Variants in ZRANB2 observed in about 807,000 individuals in gnomAD.
ZRANB2 encodes the protein zinc finger RANBP2-type containing 2.
Under a neutral mutation model 53.4 loss-of-function variants are expected in ZRANB2, and 19 were observed. The observed-to-expected ratio is 0.36, with a 90% CI of 0.25 to 0.52. ZRANB2 has a LOEUF of 0.52. Ranked by LOEUF, ZRANB2 falls within the 20% of genes least tolerant of loss-of-function variation. The pLI is 0.93. For synonymous variants in ZRANB2, 145 were observed against 134.8 expected (o/e 1.08, Z -0.52); for missense variants, 309 against 401.1 (o/e 0.77, Z 1.96).
intron 4 of ZRANB2, among the ~76,000 whole-genome samples, chr1:71,076,428 T>C (rs769690816): frequency 2.6e-5 from 4 of 152,202 alleles, no homozygotes; most frequent in Non-Finnish European, 4.4e-5. Context: ...GAAGAACACT[T>C]TAAATGGTGT....
intron 8 of ZRANB2, chr1:71,067,701 T>C (rs905233879): frequency 7.0e-6 from 3 of 428,104 alleles, no homozygotes; most frequent in African/African-American, 6.5e-5. Context: ...GAGAATTCTT[T>C]GGAAAGTTAC....
intron 7 of ZRANB2, among the ~76,000 whole-genome samples, chr1:71,070,135 A>C (rs559311590): frequency 1.3e-5 from 2 of 152,238 alleles, no homozygotes; most frequent in South Asian, 2.1e-4. Flanking sequence ...ATATGATTAA[A>C]ATTCATTGCC....
chr1:71,068,124 C>T (rs1474157782), intron 8 of ZRANB2, among the ~76,000 whole-genome samples: 1 of 152,146 alleles, frequency 6.6e-6, no homozygotes, highest in Non-Finnish European at 1.5e-5. Context: ...CTTGGCCTCC[C>T]AAGGTATTGG....
At chr1:71,076,976 C>T (rs2101051033) in intron 3 of ZRANB2, 99 bp from the exon 4 acceptor site, 1 of 876,406 alleles carries the variant, frequency 1.1e-6, no homozygotes, top group Non-Finnish European at 1.8e-6. Context: ...AGGATGAAAC[C>T]ACTGTCAAAG....
At chr1:71,069,167 A>C in intron 8 of ZRANB2, 109 bp downstream of exon 8, 1 of 841,800 alleles carries the variant, frequency 1.2e-6, no homozygotes, top group Non-Finnish European at 1.8e-6. Flanking sequence ...CTAATGCTAA[A>C]ATAAAATCGA....
intron 9 of ZRANB2, chr1:71,066,301 C>T (rs1274369415): frequency 6.5e-6 from 1 of 154,066 alleles, no homozygotes; most frequent in Non-Finnish European, 1.4e-5. Context: ...GAATAATTTC[C>T]TTATAGACAA....
At chr1:71,075,126 A>T (rs948420512) in intron 4 of ZRANB2, among the ~76,000 whole-genome samples, 22 of 152,220 alleles carry the variant, frequency 1.4e-4, no homozygotes, top group African/African-American at 5.1e-4. Context: ...AAGATTTTAG[A>T]CTTTATCCTA....
intron 1 of ZRANB2, among the ~76,000 whole-genome samples, chr1:71,080,061 G>C (rs983101746): frequency 1.3e-5 from 2 of 151,786 alleles, no homozygotes; most frequent in African/African-American, 4.8e-5. Context: ...CTAAACCCAG[G>C]TTTATTTCAA....
At chr1:71,065,913 A>G (rs17090778) in intron 9 of ZRANB2, 202,661 of 1,038,994 alleles carry the variant, frequency 0.2, 22,692 homozygotes, top group East Asian at 0.41. Context: ...ATGCAGAGAA[A>G]CAAGACTGTG....
rs1661470771 is a variant in ZRANB2 at position 71,067,379 on chromosome 1, T to G, written c.771-445A>C. 1.4e-5 allele frequency: 3 copies of G among 215,000 alleles called. No homozygotes were observed. The South Asian group carries it at 2.0e-4, about 14-fold the overall frequency. The allele number at this position is 215,000 out of a possible 1,614,324, so 13.3% of individuals were successfully genotyped here. ...TTCCATGTGGAATTATTCAACTCAT[T>G]AAACTGTTATGGAAAAACCAGGTAT... On this transcript the variant is annotated intron_variant, in intron 8 of 9. Transcript: ENST00000370920.
At chr1:71,071,569 G>C (rs1162826030) in intron 6 of ZRANB2, among the ~76,000 whole-genome samples, 1 of 152,106 alleles carries the variant, frequency 6.6e-6, no homozygotes, top group Admixed American at 6.6e-5. Context: ...GACAGAACAA[G>C]TATCACCAGA....
intron 4 of ZRANB2, among the ~76,000 whole-genome samples, chr1:71,075,856 G>A (rs955097826): frequency 2.7e-5 from 4 of 147,860 alleles, no homozygotes; most frequent in African/African-American, 5.0e-5. Context: ...GGGGATCAAG[G>A]ACATTATGTT....
chr1:71,071,490 C>A (rs898937398), intron 6 of ZRANB2, among the ~76,000 whole-genome samples: 1 of 152,102 alleles, frequency 6.6e-6, no homozygotes, highest in Non-Finnish European at 1.5e-5. Context: ...TCTTTAGTTG[C>A]ATTCCAAGAC....
chr1:71,077,354 TTTAAA>T (rs1472453098), intron 3 of ZRANB2, among the ~76,000 whole-genome samples: 3 of 152,186 alleles, frequency 2.0e-5, no homozygotes, highest in African/African-American at 7.2e-5. Context: ...AAAATATAAC[TTTAAA>T]TTAACAGCTC....
Position 71,069,348 on chromosome 1 carries a change from C to T in ZRANB2, c.698G>A (p.Ser233Asn), listed in dbSNP as rs771863978. 14 of 1,612,726 alleles carry T rather than the reference C, an allele frequency of 8.7e-6. No individual in the cohort carries two copies. In the African/African-American group the frequency reaches 1.7e-4, roughly 20 times the overall value. The change falls in exon 8 of 10, where the codon AGT becomes AAT. Residue 233 changes from serine (S) to asparagine (N), a missense_variant. By Grantham distance (46) the Ser-to-Asn change is conservative. Transcript: ENST00000370920. ...AGATCTTGACTGCGAACTGGAAGAACTTCTTGAACGGGACCTGGAACAACA... is the reference window on the plus strand; with the variant it reads ...AGATCTTGACTGCGAACTGGAAGAATTTCTTGAACGGGACCTGGAACAACA... Reference protein sequence around the residue: ...SRSRSRSRSRSSSSSQSRSRS... With the variant: ...SRSRSRSRSRNSSSSQSRSRS...
rs553136298 is a variant in ZRANB2 at position 71,071,238 on chromosome 1, C to T, written c.514-242G>A. Among the ~76,000 whole-genome samples the T allele has an allele frequency of 5.8e-4, 88 of 152,226 alleles. 1 individual carries two copies. The highest frequency in any genetic ancestry group is 5.9e-5 in the Non-Finnish European group (4 of 67,994). On this transcript the variant is annotated intron_variant, in intron 6 of 9. Coordinates refer to ENST00000370920, the MANE Select transcript of ZRANB2 (RefSeq NM_203350.3). ...ACACACTTTTTCTGTCACACTTATG[C>T]ATCACCCAAGAATTTTCAAGTCCAC...
chr1:71,077,481 C>T (rs945127624), intron 3 of ZRANB2, among the ~76,000 whole-genome samples: 1 of 151,976 alleles, frequency 6.6e-6, no homozygotes. Context: ...CAAAGCATAC[C>T]AAATCCAGTG....
intron 8 of ZRANB2, chr1:71,067,301 T>C (rs1016426792): frequency 5.5e-6 from 1 of 180,816 alleles, no homozygotes; most frequent in African/African-American, 2.4e-5. Flanking sequence ...TCCTTCCATT[T>C]GAGGATTAAA....
At chr1:71,080,823 C>T in intron 1 of ZRANB2, 117 bp downstream of exon 1, 1 of 1,206,912 alleles carries the variant, frequency 8.3e-7, no homozygotes, top group Non-Finnish European at 1.2e-6. Context: ...ACTGGCGGTT[C>T]GCCGCCTCAA....
Sources: allele counts gnomAD v4.1 joint callset (sites outside exome capture counted in the v4.1 genomes callset), GRCh38; gene constraint gnomAD v4.1.1; transcripts MANE v1.5; gene names NCBI Gene and HGNC (gene_info 2026-07-23, HGNC 2026-07-21).